OSBPL1A: variants seen among roughly 807,000 people sequenced by gnomAD.
The protein encoded by OSBPL1A is oxysterol binding protein like 1A.
A neutral mutation model predicts 137.1 loss-of-function variants in OSBPL1A; 80 were observed. The ratio of observed to expected loss-of-function variants is 0.58; its 90% CI spans 0.49 to 0.70. The LOEUF (loss-of-function observed/expected upper bound fraction) is 0.70, where lower values mean the gene tolerates loss of function less well. Among genes scored for constraint, OSBPL1A ranks in the 30% least tolerant of loss-of-function variants. The probability of loss-of-function intolerance (pLI) is 0.00; values close to 1 mark genes in which losing one functional copy is unlikely to be tolerated. For synonymous variants in OSBPL1A, 365 were observed against 389.7 expected, an observed-to-expected ratio of 0.94 and a Z score of 0.75; for missense variants, 970 against 1,129.4, an observed-to-expected ratio of 0.86 and a Z score of 2.02.
chr18:24,219,353 G>A (rs2087813163), intron 17 of OSBPL1A, among the ~76,000 whole-genome samples: 1 of 152,102 alleles, frequency 6.6e-6, no homozygotes, highest in Non-Finnish European at 1.5e-5. Context: ...ACCAAGTTGG[G>A]CACATGGTAA....
intron 1 of OSBPL1A, among the ~76,000 whole-genome samples, chr18:24,388,200 G>A (rs1263019271): frequency 6.6e-6 from 1 of 152,078 alleles, no homozygotes; most frequent in African/African-American, 2.4e-5. Context: ...ATGAGTCTAC[G>A]GGTATCAGTG....
intron 7 of OSBPL1A, among the ~76,000 whole-genome samples, chr18:24,321,974 C>G (rs1396675275): frequency 2.6e-5 from 4 of 151,584 alleles, no homozygotes; most frequent in Non-Finnish European, 5.9e-5. Context: ...GGCTTGTAAA[C>G]GTGGGCAAAA....
intron 16 of OSBPL1A, among the ~76,000 whole-genome samples, chr18:24,232,363 A>G (rs1342234894): frequency 6.6e-6 from 1 of 152,268 alleles, no homozygotes; most frequent in African/African-American, 2.4e-5. Context: ...AGTCGGAGAC[A>G]TTCTAGACAG....
At position 24,234,533 on chromosome 18, in the gene OSBPL1A, C is replaced by T. The variant is rs549401982; in HGVS notation, c.1444+4687G>A. Among the ~76,000 whole-genome samples the T allele has an allele frequency of 1.1e-4, 17 of 151,894 alleles. No homozygotes were observed. In the South Asian group the frequency reaches 2.9e-3, roughly 26 times the overall value. The stretch of plus-strand genomic sequence containing the variant: ...TTTTCTCAAGCGATCCCAGGGGGGA[C>T]GCCAGGGGGCTGGAAAAATTCCTCT... On this transcript the variant is annotated intron_variant, in intron 16 of 27. Transcript: ENST00000319481.
intron 14 of OSBPL1A, among the ~76,000 whole-genome samples, chr18:24,289,238 A>C (rs941201232): frequency 3.4e-4 from 51 of 152,122 alleles, no homozygotes; most frequent in African/African-American, 1.2e-3. Flanking sequence ...GAAGATTTAA[A>C]CACTATCTTA....
chr18:24,200,561 C>CAA (rs893025554), intron 17 of OSBPL1A, among the ~76,000 whole-genome samples: 100 of 70,416 alleles, frequency 1.4e-3, no homozygotes, highest in East Asian at 1.4e-3. Context: ...GACTCCGTGT[C>CAA]AAAAAAAAAA....
chr18:24,221,628 T>C (rs2087893880), intron 17 of OSBPL1A, among the ~76,000 whole-genome samples: 1 of 151,742 alleles, frequency 6.6e-6, no homozygotes, highest in Admixed American at 6.6e-5. Flanking sequence ...TTTACATTTA[T>C]GAAAGAGACC....
At chr18:24,374,817 T>C (rs1203049393) in intron 2 of OSBPL1A, among the ~76,000 whole-genome samples, 1 of 152,114 alleles carries the variant, frequency 6.6e-6, no homozygotes, top group African/African-American at 2.4e-5. Context: ...AGTTTGACTT[T>C]CTACCTGAGT....
At chr18:24,170,818 AAAG>A (rs1485770960) in intron 23 of OSBPL1A, among the ~76,000 whole-genome samples, 1 of 152,152 alleles carries the variant, frequency 6.6e-6, no homozygotes, top group Non-Finnish European at 1.5e-5. Context: ...GCCTAATTAA[AAAG>A]AAGTTTTTTT....
At chr18:24,362,967 G>C (rs2091647040) in intron 4 of OSBPL1A, among the ~76,000 whole-genome samples, 1 of 152,216 alleles carries the variant, frequency 6.6e-6, no homozygotes, top group East Asian at 1.9e-4. Context: ...CCCCAAACAA[G>C]TCTGACCAGG....
chr18:24,271,637 G>C lies in OSBPL1A; in HGVS notation c.1281+9205C>G. On this transcript the variant is annotated intron_variant, in intron 15 of 27. Coordinates refer to ENST00000319481, the MANE Select transcript of OSBPL1A (RefSeq NM_080597.4). This position sits in a 1 kb window ranked among gnomAD's most constrained non-coding sequence, Gnocchi z 4.0. ...ACCCACCTACCTGGGCCAGATCCGAGGACCCCGGCTGGCGCGCTCCACCCT... is the reference window on the plus strand; with the variant it reads ...ACCCACCTACCTGGGCCAGATCCGACGACCCCGGCTGGCGCGCTCCACCCT... 1 of 985,790 alleles carries C rather than the reference G, an allele frequency of 1.0e-6. No individual in the cohort carries two copies. The highest frequency in any genetic ancestry group is 4.7e-5 in the South Asian group (1 of 21,296). 61.1% of individuals were successfully genotyped at this position (985,790 alleles called of 1,614,324 possible).
intron 14 of OSBPL1A, among the ~76,000 whole-genome samples, chr18:24,299,134 A>G (rs1255612508): frequency 2.0e-5 from 3 of 152,158 alleles, no homozygotes; most frequent in East Asian, 3.9e-4. Context: ...GTGTTAGGCA[A>G]GTCTCTTGAA....
intron 15 of OSBPL1A, among the ~76,000 whole-genome samples, chr18:24,263,165 T>A (rs1292611195): frequency 6.6e-6 from 1 of 152,234 alleles, no homozygotes; most frequent in African/African-American, 2.4e-5. Context: ...GTTCTCAAAC[T>A]GAGGTAAAAA....
intron 4 of OSBPL1A, among the ~76,000 whole-genome samples, chr18:24,362,657 C>T (rs1247019474): frequency 1.3e-5 from 2 of 152,114 alleles, no homozygotes; most frequent in African/African-American, 2.4e-5. Context: ...TGGTCAACAA[C>T]TAGAATATAC....
chr18:24,267,636 G>A (rs1892453062), intron 15 of OSBPL1A, among the ~76,000 whole-genome samples: 1 of 152,058 alleles, frequency 6.6e-6, no homozygotes, highest in Admixed American at 6.6e-5. Context: ...ACTGGAAACA[G>A]TCCAAATATA....
intron 11 of OSBPL1A, among the ~76,000 whole-genome samples, chr18:24,316,442 C>T (rs953941834): frequency 1.3e-5 from 2 of 152,108 alleles, no homozygotes; most frequent in African/African-American, 2.4e-5. Flanking sequence ...TATAAAGATA[C>T]ATATAGGCTA....
chr18:24,234,794 GA>G (rs1461280761), intron 16 of OSBPL1A, among the ~76,000 whole-genome samples: 3 of 152,110 alleles, frequency 2.0e-5, no homozygotes, highest in African/African-American at 7.2e-5. Context: ...AGAGTAAGTT[GA>G]AAAATCTTTT....
chr18:24,272,082 C>G, intron 15 of OSBPL1A: 1 of 982,448 alleles, frequency 1.0e-6, no homozygotes, highest in Non-Finnish European at 1.2e-6. Context: ...CGGGCGGAGG[C>G]GCAGGTAGGG....
In OSBPL1A at chr18:24,225,127, G is replaced by A. The variant is rs151026933; in HGVS notation, c.1516C>T (p.His506Tyr). 5 of 1,614,106 alleles carry A rather than the reference G, an allele frequency of 3.1e-6. No individual in the cohort carries two copies. Among genetic ancestry groups the A allele is most frequent in the Non-Finnish European group, 3.4e-6 (4 of 1,180,004 alleles). ...ATTCTGTGTTTTCTACTGCCCAAATGCTCTCCTTCCTCTTCAAAGGAGCGT... is the reference window on the plus strand; with the variant it reads ...ATTCTGTGTTTTCTACTGCCCAAATACTCTCCTTCCTCTTCAAAGGAGCGT... ...TARSFEEEGE[H>Y]LGSRKHRMSE... The change falls in exon 17 of 28, where the codon CAT becomes TAT. Residue 506 changes from histidine (H) to tyrosine (Y), a missense_variant. By Grantham distance (83) the His-to-Tyr change is moderately conservative. Transcript: ENST00000319481.
Sources: gnomAD v4.1 joint callset for allele counts (sites outside exome capture counted in the v4.1 genomes callset) on GRCh38, gnomAD v4.1.1 for gene constraint, Gnocchi (gnomAD v3.1) non-coding constraint, MANE v1.5 for transcripts, NCBI Gene and HGNC (gene_info 2026-07-23, HGNC 2026-07-21) for gene names.